The following CHST6 variants were observed in gnomAD, a reference collection of about 807,000 sequenced individuals.
The protein encoded by CHST6 is carbohydrate sulfotransferase 6, also known as N-acetylglucosamine 6-O-sulfotransferase 5.
For synonymous variants in CHST6, 309 were observed against 276.4 expected (o/e 1.12, Z -1.17); for missense variants, 698 against 586.2 (o/e 1.19, Z -1.97).
In CHST6 at chr16:75,475,714, G is replaced by C. The variant is rs115920850; in HGVS notation, c.*2927C>G. 4.9e-4 allele frequency: 74 copies of C among 152,360 alleles called. No individual in the cohort carries two copies. Among genetic ancestry groups the C allele is most frequent in the African/African-American group, 1.8e-3 (73 of 41,586 alleles). The allele number at this position is 152,360 out of a possible 1,614,324, so 9.4% of individuals were successfully genotyped here. The stretch of plus-strand genomic sequence containing the variant: ...GAGAGCAAATTCAGGAGCCAGTCAA[G>C]CATGTCCTGACACCTTGGGAGTCAG... On this transcript the variant is annotated 3_prime_UTR_variant, in exon 3 of 3. Transcript: ENST00000332272.
In CHST6 at chr16:75,479,920, G is replaced by T. The variant is rs971352745; in HGVS notation, c.-16-76C>A. 5.4e-6 allele frequency: 7 copies of T among 1,288,092 alleles called. No homozygotes were observed. The African/African-American group carries it at 8.8e-5, about 16-fold the overall frequency. 79.8% of individuals were successfully genotyped at this position (1,288,092 alleles called of 1,614,324 possible). A position where few individuals can be genotyped will look rare whatever the true frequency, so the allele number is the denominator to read the frequency against. On this transcript the variant is annotated intron_variant, in intron 2 of 2. Transcript: ENST00000332272. ...CGTACCCCACTGCCCAGTGCCCGCA[G>T]GGGGCAGATTCTACCACCAGACCCG...
chr16:75,491,190 A>ATATAT (rs1555501737), intron 1 of CHST6, among the ~76,000 whole-genome samples: 7 of 50,092 alleles, frequency 1.4e-4, no homozygotes, highest in African/African-American at 6.6e-4. Flanking sequence ...AAAAAAAAAA[A>ATATAT]ATATATATAT....
At position 75,478,758 on chromosome 16, in the gene CHST6, G is replaced by T. The variant is rs138190368; in HGVS notation, c.1071C>A (p.Gly357=). The T allele has an allele frequency of 8.4e-5, 136 of 1,613,376 alleles. No individual in the cohort carries two copies. Among genetic ancestry groups the T allele is most frequent in the Non-Finnish European group, 8.9e-5 (105 of 1,180,024 alleles). The change falls in exon 3 of 3, where the codon GGC becomes GGA. Residue 357 remains glycine, a synonymous_variant. Transcript: ENST00000332272. The part of the protein sequence containing the change: ...ELCAGALQLL[G]YRPVYSEDEQ... ...CGTCCTCAGAGTACACAGGCCGGTA[G>T]CCCAGCAGCTGCAGCGCACCAGCGC...
chr16:75,476,310 G>C lies in CHST6; in HGVS notation c.*2331C>G, dbSNP rs1240603870. On this transcript the variant is annotated 3_prime_UTR_variant, in exon 3 of 3. Transcript: ENST00000332272. ...CTCATGCCTGTAATCTCAGCACTTT[G>C]GGAGGCTGAGGTGGGCAGATCACTT... The C allele has an allele frequency of 6.6e-6, 1 of 151,654 alleles. No homozygotes were observed. Among genetic ancestry groups the C allele is most frequent in the Non-Finnish European group, 1.5e-5 (1 of 67,954 alleles). 9.4% of individuals were successfully genotyped at this position (151,654 alleles called of 1,614,324 possible).
At chr16:75,484,471 A>G (rs950729763) in intron 1 of CHST6, among the ~76,000 whole-genome samples, 10 of 152,212 alleles carry the variant, frequency 6.6e-5, no homozygotes, top group Non-Finnish European at 1.5e-4. Context: ...TGGAAGGCCT[A>G]TCTCCCCCTT....
At chr16:75,494,184 C>T (rs1266140118) in intron 1 of CHST6, among the ~76,000 whole-genome samples, 1 of 152,108 alleles carries the variant, frequency 6.6e-6, no homozygotes, top group East Asian at 1.9e-4. Flanking sequence ...GGTTCAAATC[C>T]TGTCTCTACT....
rs980101417 is a variant in CHST6, at chr16:75,479,945, G to A, written c.-16-101C>T. 11 of 977,084 alleles carry A rather than the reference G, an allele frequency of 1.1e-5. No individual in the cohort carries two copies. The Admixed American group carries it at 1.2e-4, about 11-fold the overall frequency. 60.5% of individuals were successfully genotyped at this position (977,084 alleles called of 1,614,324 possible). A position where few individuals can be genotyped will look rare whatever the true frequency, so the allele number is the denominator to read the frequency against. ...GGGGGCAGATTCTACCACCAGACCC[G>A]AGCATCCCATGAACATGATGGTCTC... On this transcript the variant is annotated intron_variant, in intron 2 of 2. Transcript: ENST00000332272.
At chr16:75,481,700 G>A (rs980337501) in intron 2 of CHST6, 117 bp downstream of exon 2, 7 of 386,868 alleles carry the variant, frequency 1.8e-5, no homozygotes, top group African/African-American at 8.4e-5. Context: ...TCCAGAGGGA[G>A]GATGTCCTGG....
At chr16:75,493,594 G>C (rs191627218) in intron 1 of CHST6, among the ~76,000 whole-genome samples, 2 of 152,070 alleles carry the variant, frequency 1.3e-5, no homozygotes, top group Admixed American at 6.6e-5. Flanking sequence ...GAGTGAGTGA[G>C]TGGATATTTG....
At chr16:75,484,367 CA>C (rs1167622127) in intron 1 of CHST6, among the ~76,000 whole-genome samples, 1 of 151,870 alleles carries the variant, frequency 6.6e-6, no homozygotes, top group Non-Finnish European at 1.5e-5. Flanking sequence ...AACAAACAAA[CA>C]TACATAAATA....
At chr16:75,490,386 G>T (rs1489931777) in intron 1 of CHST6, among the ~76,000 whole-genome samples, 1 of 152,034 alleles carries the variant, frequency 6.6e-6, no homozygotes, top group African/African-American at 2.4e-5. Context: ...GCTGAGGCAG[G>T]AGAATCACTT....
chr16:75,484,680 C>G (rs1173885507), intron 1 of CHST6, among the ~76,000 whole-genome samples: 1 of 152,022 alleles, frequency 6.6e-6, no homozygotes, highest in Non-Finnish European at 1.5e-5. Flanking sequence ...CAAAACCCTA[C>G]TAAAAATACA....
intron 1 of CHST6, among the ~76,000 whole-genome samples, chr16:75,494,694 A>C (rs1255957795): frequency 1.3e-5 from 2 of 152,216 alleles, no homozygotes; most frequent in African/African-American, 4.8e-5. Flanking sequence ...TCGAGACAAA[A>C]GGGGTTCTCC....
At chr16:75,494,546 C>T (rs745863404) in intron 1 of CHST6, among the ~76,000 whole-genome samples, 4 of 152,116 alleles carry the variant, frequency 2.6e-5, no homozygotes, top group African/African-American at 4.8e-5. Flanking sequence ...AAGATGAAGC[C>T]GTCAGAAGCA....
At position 75,473,717 on chromosome 16, in the gene CHST6, A is replaced by G. The variant is rs2080038268; in HGVS notation, c.*4924T>C. On this transcript the variant is annotated 3_prime_UTR_variant, in exon 3 of 3. Transcript: ENST00000332272. Reference sequence around the variant, plus strand: ...TCCTCTCGGATATTTACCATCCCATAGTTTACCACCTTTGGAAGCCTAAAA... The same window carrying G: ...TCCTCTCGGATATTTACCATCCCATGGTTTACCACCTTTGGAAGCCTAAAA... 1 of 152,180 alleles carries G rather than the reference A, an allele frequency of 6.6e-6. No individual in the cohort carries two copies. Among genetic ancestry groups the G allele is most frequent in the Non-Finnish European group, 1.5e-5 (1 of 68,034 alleles). 9.4% of individuals were successfully genotyped at this position (152,180 alleles called of 1,614,324 possible).
chr16:75,493,929 C>T lies in CHST6; in HGVS notation c.-92+1011G>A, dbSNP rs1172691069. Among the ~76,000 whole-genome samples the T allele has an allele frequency of 2.0e-5, 3 of 152,336 alleles. No homozygotes were observed. In the East Asian group the frequency reaches 5.8e-4, roughly 29 times the overall value. ...CCGCAATCTCAGCTCACTGCAACCT[C>T]CGCCTCCTGGGTTCAAGTGATTCTT... On this transcript the variant is annotated intron_variant, in intron 1 of 2. Coordinates refer to ENST00000332272, the MANE Select transcript of CHST6 (RefSeq NM_021615.5).
At chr16:75,494,471 G>A (rs777827856) in intron 1 of CHST6, among the ~76,000 whole-genome samples, 2 of 152,122 alleles carry the variant, frequency 1.3e-5, no homozygotes, top group Non-Finnish European at 2.9e-5. Context: ...AAAAAGGGAG[G>A]AGAAAGGAAA....
intron 1 of CHST6, among the ~76,000 whole-genome samples, chr16:75,491,757 T>C (rs2080259091): frequency 6.6e-6 from 1 of 152,212 alleles, no homozygotes. Context: ...CAGAAATTTC[T>C]AGTTGGTTAA....
chr16:75,490,050 C>T (rs1393776555), intron 1 of CHST6, among the ~76,000 whole-genome samples: 4 of 150,562 alleles, frequency 2.7e-5, no homozygotes, highest in Non-Finnish European at 4.4e-5. Flanking sequence ...TGGTGGCAGG[C>T]ACCTGTAATC....
Sources: allele counts gnomAD v4.1 joint callset (sites outside exome capture counted in the v4.1 genomes callset), GRCh38; gene constraint gnomAD v4.1.1; transcripts MANE v1.5; gene names NCBI Gene and HGNC (gene_info 2026-07-23, HGNC 2026-07-21).